VPS13A: variants seen among roughly 807,000 people sequenced by gnomAD.
VPS13A encodes vacuolar protein sorting 13 homolog A.
A neutral mutation model predicts 390.9 loss-of-function variants in VPS13A; 264 were observed. The ratio of observed to expected loss-of-function variants is 0.68; its 90% CI spans 0.61 to 0.75. VPS13A has a LOEUF of 0.75. Among genes scored for constraint, VPS13A ranks in the 30% least tolerant of loss-of-function variants. VPS13A has a pLI of 0.00. For synonymous variants in VPS13A, 1,231 were observed against 1,227.1 expected (o/e 1.00, Z -0.07); for missense variants, 3,409 against 3,733.9 (o/e 0.91, Z 2.27).
intron 53 of VPS13A, among the ~76,000 whole-genome samples, 188 bp downstream of exon 53, chr9:77,351,634 G>A (rs1467561120): frequency 1.3e-5 from 2 of 152,170 alleles, no homozygotes; most frequent in African/African-American, 2.4e-5. Context: ...ACTTTGGGAG[G>A]CCAAGGCAGG....
At chr9:77,304,460 A>G (rs565539760) in intron 34 of VPS13A, among the ~76,000 whole-genome samples, 1 of 152,328 alleles carries the variant, frequency 6.6e-6, no homozygotes, top group South Asian at 2.1e-4. Context: ...ACAATGAAGG[A>G]CACAAATAAT....
chr9:77,267,673 C>G (rs1826115685), intron 23 of VPS13A, among the ~76,000 whole-genome samples: 1 of 152,236 alleles, frequency 6.6e-6, no homozygotes, highest in Non-Finnish European at 1.5e-5. Context: ...GGCAGTCTGT[C>G]TCTTAGCAGA....
chr9:77,293,271 G>T, intron 31 of VPS13A, 70 bp from the exon 32 acceptor site: 1 of 1,391,420 alleles, frequency 7.2e-7, no homozygotes. Context: ...ATTTTTTACT[G>T]TTTTATTTTT....
intron 67 of VPS13A, among the ~76,000 whole-genome samples, chr9:77,375,249 T>C (rs1166768809): frequency 6.6e-6 from 1 of 151,886 alleles, no homozygotes; most frequent in Non-Finnish European, 1.5e-5. Context: ...TTAGAAAAAA[T>C]AATAAAGACT....
At chr9:77,226,657 C>A in intron 15 of VPS13A, 59 bp downstream of exon 15, 2 of 1,568,180 alleles carry the variant, frequency 1.3e-6, no homozygotes, top group South Asian at 1.2e-5. Flanking sequence ...AAAGTTTTGC[C>A]ATTTTTTGCC....
At chr9:77,405,753 C>G in intron 69 of VPS13A, 111 bp from the exon 70 acceptor site, 1 of 1,325,262 alleles carries the variant, frequency 7.5e-7, no homozygotes, top group Non-Finnish European at 1.1e-6. Flanking sequence ...AGAATATAGT[C>G]TATGTTGATG....
chr9:77,270,295 C>T (rs1826271744), intron 23 of VPS13A, among the ~76,000 whole-genome samples: 1 of 152,114 alleles, frequency 6.6e-6, no homozygotes, highest in Non-Finnish European at 1.5e-5. Flanking sequence ...GTTGAGACCT[C>T]AAGTGGAAAT....
At chr9:77,314,142 A>C in intron 36 of VPS13A, 23 bp downstream of exon 36, 1 of 1,611,922 alleles carries the variant, frequency 6.2e-7, no homozygotes, top group South Asian at 1.1e-5. Context: ...AGAAAAGAAA[A>C]TGTATTTTCA....
chr9:77,231,802 G>A (rs1823846805), intron 17 of VPS13A, among the ~76,000 whole-genome samples: 1 of 151,844 alleles, frequency 6.6e-6, no homozygotes, highest in Admixed American at 6.6e-5. Flanking sequence ...TGCTTTTGAT[G>A]TCTTATCTCA....
chr9:77,199,114 G>T (rs1249366646), intron 1 of VPS13A, among the ~76,000 whole-genome samples: 1 of 152,042 alleles, frequency 6.6e-6, no homozygotes, highest in East Asian at 1.9e-4. Context: ...TCTTCTTTCT[G>T]TTTTACCCCT....
chr9:77,245,799 A>G (rs888386449), intron 19 of VPS13A, among the ~76,000 whole-genome samples: 9 of 152,318 alleles, frequency 5.9e-5, no homozygotes, highest in African/African-American at 1.9e-4. Context: ...AGACTACTGG[A>G]GGCAGCGTAA....
chr9:77,219,980 A>C lies in VPS13A; in HGVS notation c.781A>C (p.Lys261Gln). Residue 261 changes from lysine to glutamine, a missense_variant, in exon 11 of 72, where the codon AAA becomes CAA. Around this residue, in one of 5 missense-constraint regions of VPS13A, gnomAD observed 2,717 missense variants for 2,917.4 expected, o/e 0.93. Coordinates refer to ENST00000360280, the MANE Select transcript of VPS13A (RefSeq NM_033305.3). ...FVFRPISANA[K>Q]LVMNRRSDFD... ...ATTTCGTCCCATATCTGCTAATGCC[A>C]AACTTGTGATGAATCGCCGATCTGA... 6.2e-7 allele frequency: 1 copy of C among 1,613,598 alleles called. No homozygotes were observed. The highest frequency in any genetic ancestry group is 8.5e-7 in the Non-Finnish European group (1 of 1,179,694).
rs748659046 is a variant in VPS13A, at chr9:77,227,471, A to G, written c.1438A>G (p.Thr480Ala). ...CTATAGTGAAACAGCAGTTGATCCA[A>G]CTTTACTAAAAACAGTAAGATGTTT... ...IGYSETAVDP[T>A]LLKTFEALKF... Residue 480 changes from threonine to alanine, a missense_variant, in exon 16 of 72, where the codon ACT becomes GCT. By Grantham distance (58) the Thr-to-Ala change is moderately conservative. Around this residue, in one of 5 missense-constraint regions of VPS13A, gnomAD observed 2,717 missense variants for 2,917.4 expected, o/e 0.93. Coordinates refer to ENST00000360280, the MANE Select transcript of VPS13A (RefSeq NM_033305.3). 3.5e-5 allele frequency: 57 copies of G among 1,611,864 alleles called. No homozygotes were observed. In the East Asian group the frequency reaches 1.1e-3, roughly 32 times the overall value.
intron 11 of VPS13A, 61 bp downstream of exon 11, chr9:77,220,142 A>AT: frequency 1.3e-6 from 2 of 1,547,406 alleles, no homozygotes; most frequent in Non-Finnish European, 1.8e-6. Context: ...CAAAACTAAG[A>AT]TTTTAAATGT....
chr9:77,401,841 TAAAC>T (rs1035415694), intron 68 of VPS13A, among the ~76,000 whole-genome samples: 5 of 152,220 alleles, frequency 3.3e-5, no homozygotes, highest in African/African-American at 1.2e-4. Flanking sequence ...ATTTCAGAAA[TAAAC>T]CTTCACATAC....
At chr9:77,383,454 C>T (rs2131616798) in intron 68 of VPS13A, among the ~76,000 whole-genome samples, 2 of 152,078 alleles carry the variant, frequency 1.3e-5, no homozygotes, top group South Asian at 4.2e-4. Context: ...ACATGTATTT[C>T]TACCCAATAC....
At chr9:77,406,168 G>T (rs1834597029) in intron 70 of VPS13A, among the ~76,000 whole-genome samples, 181 bp downstream of exon 70, 1 of 150,178 alleles carries the variant, frequency 6.7e-6, no homozygotes. Flanking sequence ...ACTAGGCCAA[G>T]AAAAACTGTG....
intron 45 of VPS13A, among the ~76,000 whole-genome samples, chr9:77,324,734 G>A (rs1829916823): frequency 6.6e-6 from 1 of 152,088 alleles, no homozygotes; most frequent in Admixed American, 6.6e-5. Flanking sequence ...CTGGAGGGCA[G>A]TGGTGCCATC....
At chr9:77,271,657 G>T (rs1383454151) in intron 23 of VPS13A, among the ~76,000 whole-genome samples, 1 of 152,126 alleles carries the variant, frequency 6.6e-6, no homozygotes, top group Non-Finnish European at 1.5e-5. Flanking sequence ...GCAGTGATGG[G>T]CAGTGATTGA....
Sources: gnomAD v4.1 joint callset for allele counts (sites outside exome capture counted in the v4.1 genomes callset) on GRCh38, gnomAD v4.1.1 for gene constraint, gnomAD v4.1.1 regional missense constraint, MANE v1.5 for transcripts, NCBI Gene and HGNC (gene_info 2026-07-23, HGNC 2026-07-21) for gene names.